ATOSA: variants seen among roughly 807,000 people sequenced by gnomAD.
ATOSA encodes atos homolog A.
At chr15:52,591,646 A>C in the ATOSA span, among the ~76,000 whole-genome samples, 3 of 152,224 alleles carry the variant, frequency 2.0e-5, no homozygotes, top group African/African-American at 7.2e-5. Flanking sequence ...TGGTAAGGCA[A>C]AACAGGCTGT....
At chr15:52,593,371 AT>A in the ATOSA span, 3 of 503,294 alleles carry the variant, frequency 6.0e-6, no homozygotes, top group Non-Finnish European at 1.1e-5. Flanking sequence ...AAATAAGTAC[AT>A]TTTTAGTACC....
chr15:52,674,052 T>C, the ATOSA span, among the ~76,000 whole-genome samples: 2 of 152,226 alleles, frequency 1.3e-5, no homozygotes, highest in African/African-American at 4.8e-5. Flanking sequence ...TTTTTAAATA[T>C]GAATTAAAAC....
At chr15:52,629,613 C>T in the ATOSA span, 3 of 398,896 alleles carry the variant, frequency 7.5e-6, no homozygotes, top group African/African-American at 4.3e-5. Context: ...ACTAGCCTGG[C>T]CAACATGGTG....
At chr15:52,622,715 T>C in the ATOSA span, among the ~76,000 whole-genome samples, 2 of 152,002 alleles carry the variant, frequency 1.3e-5, no homozygotes, top group African/African-American at 2.4e-5. Flanking sequence ...ATTCAAAAAT[T>C]AGGGGAAAGA....
chr15:52,591,497 G>T, the ATOSA span, among the ~76,000 whole-genome samples: 4 of 152,070 alleles, frequency 2.6e-5, no homozygotes, highest in East Asian at 7.7e-4. Flanking sequence ...TGATCTGTCC[G>T]CCCCAGCCTC....
the ATOSA span, chr15:52,610,471 T>C: frequency 2.9e-6 from 4 of 1,389,244 alleles, no homozygotes; most frequent in South Asian, 1.5e-5. Flanking sequence ...AAAGCAGTCA[T>C]ACACTTATTT....
the ATOSA span, chr15:52,608,502 T>G: frequency 6.7e-7 from 1 of 1,487,838 alleles, no homozygotes; most frequent in East Asian, 2.3e-5. Context: ...CCAGATCTCC[T>G]GTGAACAAAA....
At chr15:52,620,899 C>T in the ATOSA span, among the ~76,000 whole-genome samples, 3 of 151,956 alleles carry the variant, frequency 2.0e-5, no homozygotes, top group South Asian at 4.2e-4. Context: ...ATTGTGACAC[C>T]GCACTCCAAC....
At chr15:52,609,258 GTCTCCTAACAA>G in the ATOSA span, 2 of 1,613,648 alleles carry the variant, frequency 1.2e-6, no homozygotes, top group Non-Finnish European at 1.7e-6. Flanking sequence ...CATCACTGAT[GTCTCCTAACAA>G]GGAACATTTT....
the ATOSA span, among the ~76,000 whole-genome samples, chr15:52,702,113 A>G: frequency 6.6e-6 from 1 of 152,132 alleles, no homozygotes; most frequent in South Asian, 2.1e-4. Flanking sequence ...AAGTCAAAAA[A>G]CAACAGATGC....
the ATOSA span, among the ~76,000 whole-genome samples, chr15:52,666,451 C>G: frequency 2.0e-5 from 3 of 152,188 alleles, no homozygotes; most frequent in Non-Finnish European, 4.4e-5. Context: ...TTACATAGCA[C>G]TCTATCTTGT....
At chr15:52,660,371 G>T in the ATOSA span, among the ~76,000 whole-genome samples, 1 of 152,174 alleles carries the variant, frequency 6.6e-6, no homozygotes, top group African/African-American at 2.4e-5. Flanking sequence ...CCTAAAGCAT[G>T]CCAGACTCTT....
chr15:52,601,384 G>A, the ATOSA span, among the ~76,000 whole-genome samples: 2 of 151,956 alleles, frequency 1.3e-5, no homozygotes, highest in African/African-American at 4.8e-5. Context: ...ACTTTTACTA[G>A]GTTTTGATTT....
the ATOSA span, among the ~76,000 whole-genome samples, chr15:52,680,467 A>AT: frequency 0.042 from 6,446 of 152,142 alleles, 266 homozygotes; most frequent in East Asian, 0.25. Context: ...CTGTTTTAAA[A>AT]TTTTTTTTAC....
chr15:52,695,908 T>C, the ATOSA span, among the ~76,000 whole-genome samples: 4 of 152,060 alleles, frequency 2.6e-5, no homozygotes, highest in Non-Finnish European at 5.9e-5. Context: ...AGCATTCCCT[T>C]ATATGCTTGT....
At chr15:52,649,133 C>G in the ATOSA span, among the ~76,000 whole-genome samples, 2 of 152,116 alleles carry the variant, frequency 1.3e-5, no homozygotes, top group African/African-American at 4.8e-5. Context: ...AAAAGCAATA[C>G]AGTTTATGCA....
At chr15:52,665,072 A>T in the ATOSA span, among the ~76,000 whole-genome samples, 2 of 152,228 alleles carry the variant, frequency 1.3e-5, no homozygotes, top group African/African-American at 4.8e-5. Context: ...GTATACATGG[A>T]CATAGAAGTG....
At chr15:52,652,134 C>G in the ATOSA span, 5 of 1,238,990 alleles carry the variant, frequency 4.0e-6, no homozygotes, top group Non-Finnish European at 5.3e-6. Context: ...CCCCTGCTCG[C>G]TAGGTCCACT....
At chr15:52,673,502 T>C in the ATOSA span, among the ~76,000 whole-genome samples, 1 of 152,208 alleles carries the variant, frequency 6.6e-6, no homozygotes, top group Non-Finnish European at 1.5e-5. Flanking sequence ...GAGATGACAA[T>C]AGCATCTATT....
Sources: gnomAD v4.1 joint callset for allele counts (sites outside exome capture counted in the v4.1 genomes callset) on GRCh38, gnomAD v4.1.1 for gene constraint, MANE v1.5 for transcripts, NCBI Gene and HGNC (gene_info 2026-07-23, HGNC 2026-07-21) for gene names.